Variants in EIF2B3 observed in about 807,000 individuals in gnomAD.
EIF2B3 encodes translation initiation factor eIF2B subunit gamma.
A neutral mutation model predicts 54.1 loss-of-function variants in EIF2B3; 20 were observed. The ratio of observed to expected loss-of-function variants is 0.37; its 90% CI spans 0.26 to 0.54. EIF2B3 has a LOEUF of 0.54. EIF2B3 is among the 20% of genes least tolerant of loss of function. The pLI, the probability that EIF2B3 is intolerant of heterozygous loss-of-function variation, is 0.86. For missense variants in EIF2B3, 448 were observed against 547.8 expected (o/e 0.82, Z 1.82); for synonymous variants, 153 against 188.1 (o/e 0.81, Z 1.52).
chr1:44,953,552 A>G (rs893623510), intron 3 of EIF2B3, among the ~76,000 whole-genome samples: 6 of 152,170 alleles, frequency 3.9e-5, no homozygotes, highest in Non-Finnish European at 5.9e-5. Flanking sequence ...TAAGGTGTGC[A>G]TATCACTTGA....
At chr1:44,909,863 T>C (rs1239084093) in intron 5 of EIF2B3, among the ~76,000 whole-genome samples, 1 of 152,136 alleles carries the variant, frequency 6.6e-6, no homozygotes, top group African/African-American at 2.4e-5. Flanking sequence ...CCCACACCAT[T>C]GGGAAAATAA....
intron 7 of EIF2B3, among the ~76,000 whole-genome samples, chr1:44,880,244 A>T (rs1481217270): frequency 6.6e-6 from 1 of 152,208 alleles, no homozygotes; most frequent in East Asian, 1.9e-4. Context: ...TACAGCTCAC[A>T]CTTCTTCCTT....
chr1:44,939,962 C>T (rs1644002400), intron 4 of EIF2B3, among the ~76,000 whole-genome samples: 1 of 152,032 alleles, frequency 6.6e-6, no homozygotes. Flanking sequence ...TAAACCAGAC[C>T]TTGCAAAAGC....
chr1:44,872,135 C>A (rs1043214199), intron 10 of EIF2B3, among the ~76,000 whole-genome samples: 3 of 152,124 alleles, frequency 2.0e-5, no homozygotes, highest in Non-Finnish European at 4.4e-5. Flanking sequence ...CAGACTCAGT[C>A]GGTCCTCCCA....
At chr1:44,879,636 C>T (rs1655319028) in intron 8 of EIF2B3, among the ~76,000 whole-genome samples, 182 bp downstream of exon 8, 1 of 152,194 alleles carries the variant, frequency 6.6e-6, no homozygotes, top group African/African-American at 2.4e-5. Context: ...ACCAGGCCCC[C>T]TGCTTCCCTT....
intron 5 of EIF2B3, among the ~76,000 whole-genome samples, chr1:44,910,917 T>G (rs1190054057): frequency 6.6e-6 from 1 of 152,008 alleles, no homozygotes; most frequent in Non-Finnish European, 1.5e-5. Context: ...AGTTCTTCAG[T>G]GGTAATCTGA....
At chr1:44,945,162 G>C (rs1480135788) in intron 3 of EIF2B3, among the ~76,000 whole-genome samples, 1 of 151,680 alleles carries the variant, frequency 6.6e-6, no homozygotes, top group Admixed American at 6.6e-5. Flanking sequence ...AATTTCTTTT[G>C]AAGGCCTTTT....
chr1:44,951,061 C>T (rs1313155373), intron 3 of EIF2B3, among the ~76,000 whole-genome samples: 1 of 152,146 alleles, frequency 6.6e-6, no homozygotes, highest in Non-Finnish European at 1.5e-5. Context: ...ACTTCAGTGA[C>T]TTTAACATCC....
intron 10 of EIF2B3, among the ~76,000 whole-genome samples, chr1:44,867,262 C>A (rs1444151368): frequency 1.3e-5 from 2 of 152,038 alleles, no homozygotes; most frequent in Admixed American, 6.6e-5. Flanking sequence ...ACCAAACATG[C>A]AGAATACAGG....
At chr1:44,981,582 G>A (rs1478482372) in intron 1 of EIF2B3, among the ~76,000 whole-genome samples, 1 of 152,172 alleles carries the variant, frequency 6.6e-6, no homozygotes, top group Admixed American at 6.5e-5. Context: ...TGATGCTTGA[G>A]CTGACTCTGA....
chr1:44,898,922 G>A lies in EIF2B3; in HGVS notation c.567-1478C>T, dbSNP rs541534208. The stretch of plus-strand genomic sequence containing the variant: ...GCCCAGGCTGGTCTTGAACTCCTGA[G>A]CTCAAGCAATCCCCCTACCTCAGCC... On this transcript the variant is annotated intron_variant, in intron 5 of 11. Transcript: ENST00000360403. Among the ~76,000 whole-genome samples, 11 of 152,168 alleles carry A rather than the reference G, an allele frequency of 7.2e-5. No individual in the cohort carries two copies. In the South Asian group the frequency reaches 2.3e-3, roughly 32 times the overall value.
Position 44,850,663 on chromosome 1 carries a change from A to T in EIF2B3, c.*288T>A. The T allele has an allele frequency of 2.0e-6, 1 of 495,524 alleles. No homozygotes were observed. Among genetic ancestry groups the T allele is most frequent in the Non-Finnish European group, 3.6e-6 (1 of 275,824 alleles). 30.7% of individuals were successfully genotyped at this position (495,524 alleles called of 1,614,324 possible). A position where few individuals can be genotyped will look rare whatever the true frequency, so the allele number is the denominator to read the frequency against. ...AAAGTAGCCTTCCTAGGAGCTTTAC[A>T]TTGGACAGCTGCTGCCCCACCGATA... is the stretch of plus-strand genomic sequence containing the variant. On this transcript the variant is annotated 3_prime_UTR_variant, in exon 12 of 12. Transcript: ENST00000360403.
At chr1:44,960,361 C>T (rs1254841726) in intron 3 of EIF2B3, among the ~76,000 whole-genome samples, 1 of 151,970 alleles carries the variant, frequency 6.6e-6, no homozygotes, top group Non-Finnish European at 1.5e-5. Flanking sequence ...AATACTGGGC[C>T]GGGCGTGGTG....
At chr1:44,928,514 T>A (rs1569754579) in intron 4 of EIF2B3, among the ~76,000 whole-genome samples, 1 of 150,090 alleles carries the variant, frequency 6.7e-6, no homozygotes, top group Non-Finnish European at 1.5e-5. Context: ...TTTTTTTTTT[T>A]AAAGAATTTT....
At chr1:44,966,424 G>T (rs1644341202) in intron 3 of EIF2B3, among the ~76,000 whole-genome samples, 1 of 142,596 alleles carries the variant, frequency 7.0e-6, no homozygotes, top group Non-Finnish European at 1.5e-5. Flanking sequence ...GGGCGACAGA[G>T]CGAGACTCTG....
In EIF2B3 at chr1:44,875,669, A is replaced by G; in HGVS notation, c.1002T>C (p.Cys334=). The G allele has an allele frequency of 6.2e-7, 1 of 1,614,166 alleles. No homozygotes were observed. The highest frequency in any genetic ancestry group is 1.1e-5 in the South Asian group (1 of 91,078). The change falls in exon 9 of 12, where the codon TGT becomes TGC. Residue 334 remains cysteine (C), a synonymous_variant. Transcript: ENST00000360403. ...RQVPKLLSAL[C]PEEPPVHSSA... The stretch of plus-strand genomic sequence containing the variant: ...ACGAATGGACTGGTGGTTCTTCTGG[A>G]CAGAGAGCAGACAGCAATTTGGGCA...
intron 5 of EIF2B3, among the ~76,000 whole-genome samples, chr1:44,905,777 T>C (rs1643400469): frequency 6.6e-6 from 1 of 152,216 alleles, no homozygotes; most frequent in Non-Finnish European, 1.5e-5. Flanking sequence ...ACACCTAGAT[T>C]AGTGTTTGAT....
chr1:44,892,664 T>C (rs1655835788), intron 6 of EIF2B3, among the ~76,000 whole-genome samples: 1 of 152,140 alleles, frequency 6.6e-6, no homozygotes, highest in Non-Finnish European at 1.5e-5. Flanking sequence ...ATATTACTAA[T>C]ATTTCTAGAA....
At chr1:44,965,065 C>T (rs2148956419) in intron 3 of EIF2B3, among the ~76,000 whole-genome samples, 1 of 152,274 alleles carries the variant, frequency 6.6e-6, no homozygotes, top group African/African-American at 2.4e-5. Flanking sequence ...AGCTCACAGA[C>T]CGCACCTTTA....
Sources: gnomAD v4.1 joint callset for allele counts (sites outside exome capture counted in the v4.1 genomes callset) on GRCh38, gnomAD v4.1.1 for gene constraint, MANE v1.5 for transcripts, NCBI Gene and HGNC (gene_info 2026-07-23, HGNC 2026-07-21) for gene names.